USP33: variants seen among roughly 807,000 people sequenced by gnomAD.
USP33 encodes ubiquitin carboxyl-terminal hydrolase 33.
In USP33, 46 loss-of-function variants were observed where a neutral mutation model predicts 124.2. The observed-to-expected ratio is 0.37, with a 90% CI of 0.29 to 0.47. The LOEUF is 0.47. USP33 is among the 20% of genes least tolerant of loss of function. The probability of loss-of-function intolerance (pLI) is 0.99; values close to 1 mark genes in which losing one functional copy is unlikely to be tolerated. For missense variants in USP33, 851 were observed against 1,070.6 expected (o/e 0.79, Z 2.86); for synonymous variants, 350 against 352.3 (o/e 0.99, Z 0.07).
intron 20 of USP33, 38 bp from the exon 21 acceptor site, chr1:77,711,893 A>G (rs757918101): frequency 1.9e-6 from 3 of 1,565,004 alleles, no homozygotes; most frequent in Non-Finnish European, 1.7e-6. Context: ...TGTTCTAGGA[A>G]GTTTGTTTCT....
chr1:77,714,391 A>G (rs1336193772), intron 19 of USP33, among the ~76,000 whole-genome samples: 1 of 152,232 alleles, frequency 6.6e-6, no homozygotes, highest in Non-Finnish European at 1.5e-5. Flanking sequence ...AAGTTTAGAA[A>G]GCATGTACTC....
intron 4 of USP33, among the ~76,000 whole-genome samples, chr1:77,740,648 C>A (rs1679020330): frequency 6.6e-6 from 1 of 152,236 alleles, no homozygotes; most frequent in South Asian, 2.1e-4. Flanking sequence ...AGCCACCATG[C>A]CTGGCCGGAT....
In USP33 at chr1:77,697,910, T is replaced by C. The variant is rs762332042; in HGVS notation, c.2531A>G (p.Asn844Ser). 2.5e-6 allele frequency: 4 copies of C among 1,610,244 alleles called. No individual in the cohort carries two copies. The highest frequency in any genetic ancestry group is 3.4e-6 in the Non-Finnish European group (4 of 1,179,004). ...ACATTTAGTGACTGCAATCTTAGTATTGTCAATAGGACCTGGAGGATCTAA... is the reference window on the plus strand; with the variant it reads ...ACATTTAGTGACTGCAATCTTAGTACTGTCAATAGGACCTGGAGGATCTAA... The part of the protein sequence containing the change: ...KDGDPPGPID[N>S]TKIAVTKCGN... The change falls in exon 23 of 24, where the codon AAT (asparagine) becomes AGT (serine). Residue 844 changes from asparagine to serine, a missense_variant. Asn to Ser is a conservative substitution (Grantham distance 46). Around this residue, in one of 4 missense-constraint regions of USP33, gnomAD observed 142 missense variants for 141.8 expected, o/e 1.00. Transcript: ENST00000370794.
At chr1:77,712,331 C>T (rs1570751391) in intron 20 of USP33, among the ~76,000 whole-genome samples, 1 of 152,178 alleles carries the variant, frequency 6.6e-6, no homozygotes, top group African/African-American at 2.4e-5. Context: ...CGAGACCAAC[C>T]TGGCCAATGT....
At position 77,717,864 on chromosome 1, in the gene USP33, T is replaced by C. The variant is rs1676103704; in HGVS notation, c.1918+3A>G. 1 of 1,606,872 alleles carries C rather than the reference T, an allele frequency of 6.2e-7. No homozygotes were observed. The stretch of plus-strand genomic sequence containing the variant: ...GGAACAACTGTTAAACCTATATACT[T>C]ACTACTTGCAGTTCCATGATGGCAA... On this transcript the variant is annotated splice_donor_region_variant and intron_variant, in intron 17 of 23. Transcript: ENST00000370794.
chr1:77,726,311 C>T (rs540986789), intron 10 of USP33, among the ~76,000 whole-genome samples: 1 of 149,724 alleles, frequency 6.7e-6, no homozygotes, highest in Non-Finnish European at 1.5e-5. Context: ...AGTGGAAATA[C>T]AAAGCCAAAG....
At chr1:77,729,985 T>C (rs1677617661) in intron 8 of USP33, 47 bp from the exon 9 acceptor site, 2 of 1,507,758 alleles carry the variant, frequency 1.3e-6, no homozygotes, top group Non-Finnish European at 1.8e-6. Flanking sequence ...TATTTTTAAT[T>C]TTCATTTTAA....
intron 22 of USP33, among the ~76,000 whole-genome samples, chr1:77,698,578 G>A (rs1392744405): frequency 1.4e-5 from 2 of 144,542 alleles, no homozygotes; most frequent in Non-Finnish European, 3.0e-5. Context: ...TCGGCTCACT[G>A]CAAGCTCCGC....
chr1:77,734,612 T>A (rs1241233108), intron 6 of USP33, among the ~76,000 whole-genome samples, 196 bp from the exon 7 acceptor site: 1 of 152,212 alleles, frequency 6.6e-6, no homozygotes, highest in Non-Finnish European at 1.5e-5. Flanking sequence ...ATTCAAGGAT[T>A]AAACAGTTCA....
intron 18 of USP33, 89 bp from the exon 19 acceptor site, chr1:77,714,872 A>T: frequency 7.8e-7 from 1 of 1,283,838 alleles, no homozygotes; most frequent in Admixed American, 2.2e-5. Flanking sequence ...CTTAACACAC[A>T]TATTAACACT....
At chr1:77,757,056 A>T (rs970030371) in intron 1 of USP33, among the ~76,000 whole-genome samples, 16 of 152,220 alleles carry the variant, frequency 1.1e-4, no homozygotes, top group African/African-American at 3.6e-4. Flanking sequence ...TGTTTTCTCA[A>T]ATGTAAGTTG....
Position 77,698,570 on chromosome 1 carries a change from G to A in USP33, c.2510-639C>T, listed in dbSNP as rs565715823. ...GGCTGGAGTGCAGTGGCATCATCTC[G>A]GCTCACTGCAAGCTCCGCCTCCCAG... On this transcript the variant is annotated intron_variant, in intron 22 of 23. Coordinates refer to ENST00000370794, the MANE Select transcript of USP33 (RefSeq NM_201624.3). Among the ~76,000 whole-genome samples the A allele has an allele frequency of 1.4e-4, 20 of 142,820 alleles. No homozygotes were observed. In the East Asian group the frequency reaches 3.5e-3, roughly 25 times the overall value. The allele number at this position is 142,820 out of a possible 152,430, so 93.7% of individuals were successfully genotyped here. A position where few individuals can be genotyped will look rare whatever the true frequency, so the allele number is the denominator to read the frequency against.
intron 7 of USP33, among the ~76,000 whole-genome samples, chr1:77,732,947 C>A (rs1448914387): frequency 6.6e-6 from 1 of 151,952 alleles, no homozygotes; most frequent in Non-Finnish European, 1.5e-5. Flanking sequence ...GCACACACCA[C>A]CACACCCGGC....
intron 15 of USP33, 82 bp from the exon 16 acceptor site, chr1:77,718,723 T>C (rs1676201367): frequency 9.0e-7 from 1 of 1,108,538 alleles, no homozygotes; most frequent in Non-Finnish European, 1.3e-6. Flanking sequence ...TTTTAGAAAA[T>C]GCAGAGATCC....
chr1:77,748,667 C>CAA (rs796272242), intron 1 of USP33, among the ~76,000 whole-genome samples: 8 of 84,018 alleles, frequency 9.5e-5, no homozygotes, highest in Admixed American at 1.4e-4. Context: ...GACTCCGTCT[C>CAA]AAAAAAAAAA....
chr1:77,716,483 A>G (rs573236565), intron 17 of USP33, among the ~76,000 whole-genome samples: 69 of 152,346 alleles, frequency 4.5e-4, no homozygotes, highest in African/African-American at 1.6e-3. Context: ...AGTGCTGTAA[A>G]CAGTTGCAGA....
In USP33 at chr1:77,759,817, C is replaced by A; in HGVS notation, c.-226G>T. 1 of 397,152 alleles carries A rather than the reference C, an allele frequency of 2.5e-6. No homozygotes were observed. The highest frequency in any genetic ancestry group is 4.4e-6 in the Non-Finnish European group (1 of 225,168). The allele number at this position is 397,152 out of a possible 1,614,324, so 24.6% of individuals were successfully genotyped here. A position where few individuals can be genotyped will look rare whatever the true frequency, so the allele number is the denominator to read the frequency against. ...GGGGGTCCGCCTCCTGAACTGGCCACTTCCCGCAGCAGCCGCGGCTCCTTC... is the reference window on the plus strand; with the variant it reads ...GGGGGTCCGCCTCCTGAACTGGCCAATTCCCGCAGCAGCCGCGGCTCCTTC... On this transcript the variant is annotated 5_prime_UTR_variant, in exon 1 of 24. Transcript: ENST00000370794.
intron 1 of USP33, among the ~76,000 whole-genome samples, chr1:77,748,594 G>A (rs535485125): frequency 2.6e-4 from 40 of 151,818 alleles, no homozygotes; most frequent in East Asian, 9.7e-4. Context: ...ACTTTAACCC[G>A]GGAGGCAGAG....
At chr1:77,757,268 G>A (rs1680886175) in intron 1 of USP33, among the ~76,000 whole-genome samples, 3 of 152,200 alleles carry the variant, frequency 2.0e-5, no homozygotes, top group Non-Finnish European at 4.4e-5. Context: ...TTGACTACAA[G>A]TTCTTTGAAG....
Sources: allele counts gnomAD v4.1 joint callset (sites outside exome capture counted in the v4.1 genomes callset), GRCh38; gene constraint gnomAD v4.1.1; regional missense constraint gnomAD v4.1.1; transcripts MANE v1.5; gene names NCBI Gene and HGNC (gene_info 2026-07-23, HGNC 2026-07-21).